CTNND2: variants seen among roughly 807,000 people sequenced by gnomAD.
The protein encoded by CTNND2 is catenin delta-2.
CTNND2 carries 22 observed loss-of-function variants against 144.4 expected under a neutral mutation model. The observed-to-expected ratio is 0.15, with a 90% CI of 0.11 to 0.22. CTNND2 has a LOEUF of 0.22. CTNND2 is among the 10% of genes least tolerant of loss of function. CTNND2 has a pLI of 1.00. For synonymous variants in CTNND2, 751 were observed against 695.6 expected (o/e 1.08, Z -1.25); for missense variants, 1,353 against 1,618.8 (o/e 0.84, Z 2.82).
intron 1 of CTNND2, among the ~76,000 whole-genome samples, chr5:11,797,177 G>A (rs1186871975): frequency 6.6e-6 from 1 of 152,160 alleles, no homozygotes; most frequent in Non-Finnish European, 1.5e-5. Context: ...AAAACAACTA[G>A]GAAAAGACTT....
At chr5:11,743,001 A>C (rs1336061432) in intron 1 of CTNND2, among the ~76,000 whole-genome samples, 1 of 152,238 alleles carries the variant, frequency 6.6e-6, no homozygotes, top group Non-Finnish European at 1.5e-5. Context: ...AGTGCTCTGC[A>C]CACATAAACA....
chr5:11,213,860 G>A (rs1738896844), intron 10 of CTNND2, among the ~76,000 whole-genome samples: 1 of 152,064 alleles, frequency 6.6e-6, no homozygotes, highest in Non-Finnish European at 1.5e-5. Flanking sequence ...ATATAACAAT[G>A]TAAACATATA....
chr5:11,783,355 TGC>T (rs1790648455), intron 1 of CTNND2, among the ~76,000 whole-genome samples: 1 of 152,124 alleles, frequency 6.6e-6, no homozygotes, highest in African/African-American at 2.4e-5. Flanking sequence ...TTATGTAATC[TGC>T]TCTATATCTA....
At chr5:11,662,492 A>T (rs1234125720) in intron 2 of CTNND2, among the ~76,000 whole-genome samples, 1 of 151,796 alleles carries the variant, frequency 6.6e-6, no homozygotes, top group Non-Finnish European at 1.5e-5. Context: ...GCCAGTCTAG[A>T]CTTTTCACGA....
intron 2 of CTNND2, among the ~76,000 whole-genome samples, chr5:11,587,014 A>C (rs1300904123): frequency 1.3e-5 from 2 of 152,172 alleles, no homozygotes; most frequent in Non-Finnish European, 2.9e-5. Context: ...CATAATCATA[A>C]CATCAATGAG....
In CTNND2 at chr5:11,260,294, G is replaced by A. The variant is rs147232378; in HGVS notation, c.1629-23471C>T. Among the ~76,000 whole-genome samples, 20 of 152,258 alleles carry A rather than the reference G, an allele frequency of 1.3e-4. 1 individual carries two copies. Among genetic ancestry groups the A allele is most frequent in the Admixed American group, 5.9e-4 (9 of 15,294 alleles). On this transcript the variant is annotated intron_variant, in intron 9 of 21. Transcript: ENST00000304623. ...CCTCTTTGGAAGATCCTGTCTATAT[G>A]ATGCTATTAAATTACAAATTGCCAC...
At chr5:11,037,099 G>A (rs2149561019) in intron 16 of CTNND2, among the ~76,000 whole-genome samples, 1 of 152,276 alleles carries the variant, frequency 6.6e-6, no homozygotes, top group African/African-American at 2.4e-5. Context: ...ATTTAAAATA[G>A]CCTTTTCAGT....
intron 11 of CTNND2, among the ~76,000 whole-genome samples, chr5:11,177,196 G>T: frequency 6.6e-6 from 1 of 152,172 alleles, no homozygotes; most frequent in Non-Finnish European, 1.5e-5. Flanking sequence ...CAGGTTCTCA[G>T]CAGGGACTAT....
chr5:11,061,456 C>T (rs781569558), intron 16 of CTNND2, among the ~76,000 whole-genome samples: 1 of 152,200 alleles, frequency 6.6e-6, no homozygotes, highest in South Asian at 2.1e-4. Flanking sequence ...TTCCCTGCCT[C>T]GTTTTCCAGC....
At chr5:11,316,387 G>A (rs1751477468) in intron 9 of CTNND2, among the ~76,000 whole-genome samples, 1 of 151,668 alleles carries the variant, frequency 6.6e-6, no homozygotes, top group South Asian at 2.1e-4. Context: ...CACCACACCT[G>A]GCTAATCTAA....
chr5:11,532,316 C>T (rs572548198), intron 3 of CTNND2, among the ~76,000 whole-genome samples: 5 of 143,402 alleles, frequency 3.5e-5, no homozygotes, highest in African/African-American at 1.3e-4. Flanking sequence ...CCCACCCCTC[C>T]TCCAGTATTG....
At chr5:11,414,235 C>T (rs1406685621) in intron 3 of CTNND2, among the ~76,000 whole-genome samples, 4 of 152,106 alleles carry the variant, frequency 2.6e-5, no homozygotes, top group African/African-American at 9.7e-5. Context: ...GAATGCAGCC[C>T]TGCTGACACC....
At chr5:11,105,311 C>A (rs934068674) in intron 14 of CTNND2, among the ~76,000 whole-genome samples, 3 of 152,216 alleles carry the variant, frequency 2.0e-5, no homozygotes, top group Non-Finnish European at 2.9e-5. Context: ...CTTCGAAGGA[C>A]AATCTAGTCC....
chr5:11,400,367 C>T (rs985175399), intron 5 of CTNND2, among the ~76,000 whole-genome samples: 4 of 152,256 alleles, frequency 2.6e-5, no homozygotes, highest in South Asian at 2.1e-4. Context: ...TCATGTCCTT[C>T]TTGGCCACAG....
At chr5:11,314,097 GCCCCTT>G (rs1751261685) in intron 9 of CTNND2, among the ~76,000 whole-genome samples, 1 of 152,102 alleles carries the variant, frequency 6.6e-6, no homozygotes, top group Non-Finnish European at 1.5e-5. Flanking sequence ...CAAGCCACCA[GCCCCTT>G]TCTGGGACCT....
At chr5:11,602,637 A>C (rs374784612) in intron 2 of CTNND2, among the ~76,000 whole-genome samples, 1 of 147,660 alleles carries the variant, frequency 6.8e-6, no homozygotes, top group African/African-American at 2.5e-5. Context: ...CTCTCTCTCT[A>C]GATATATGTA....
chr5:11,022,705 G>C (rs1270929119), intron 17 of CTNND2, 64 bp downstream of exon 17: 1 of 1,248,340 alleles, frequency 8.0e-7, no homozygotes, highest in African/African-American at 1.5e-5. Flanking sequence ...GTCATCAGGA[G>C]TTGAAAGGCA....
At chr5:11,091,637 G>C (rs894210871) in intron 15 of CTNND2, among the ~76,000 whole-genome samples, 1 of 152,010 alleles carries the variant, frequency 6.6e-6, no homozygotes, top group Non-Finnish European at 1.5e-5. Context: ...GATCCTTTTG[G>C]GTCTAATTTA....
chr5:11,221,749 G>T (rs941144089), intron 10 of CTNND2, among the ~76,000 whole-genome samples: 1 of 152,156 alleles, frequency 6.6e-6, no homozygotes, highest in African/African-American at 2.4e-5. Context: ...TAAACAAGGT[G>T]TGTCTTCCTT....
Sources: gnomAD v4.1 joint callset for allele counts (sites outside exome capture counted in the v4.1 genomes callset) on GRCh38, gnomAD v4.1.1 for gene constraint, MANE v1.5 for transcripts, NCBI Gene and HGNC (gene_info 2026-07-23, HGNC 2026-07-21) for gene names.